The following NSUN6 variants were observed in gnomAD, a reference collection of about 807,000 sequenced individuals.
NSUN6 encodes the protein NOP2/Sun RNA methyltransferase 6.
A neutral mutation model predicts 58.0 loss-of-function variants in NSUN6; 64 were observed. The observed-to-expected ratio is 1.10, with a 90% CI of 0.90 to 1.36. NSUN6 has a LOEUF of 1.36. Among genes scored for constraint, NSUN6 ranks in the 40% most tolerant of loss-of-function variants. NSUN6 has a pLI of 0.00. For synonymous variants in NSUN6, 231 were observed against 193.9 expected (o/e 1.19, Z -1.59); for missense variants, 701 against 550.1 (o/e 1.27, Z -2.74).
intron 6 of NSUN6, among the ~76,000 whole-genome samples, chr10:18,597,667 G>C (rs2131220205): frequency 6.6e-6 from 1 of 152,334 alleles, no homozygotes; most frequent in Non-Finnish European, 1.5e-5. Flanking sequence ...TCAGGAGGCT[G>C]AGGCAGGAGA....
chr10:18,610,302 C>T (rs7909814), intron 5 of NSUN6, among the ~76,000 whole-genome samples: 29,477 of 151,882 alleles, frequency 0.19, 3,139 homozygotes, highest in South Asian at 0.31. Flanking sequence ...GAGCCAAGAT[C>T]GCGCCATTGC....
chr10:18,609,896 T>C lies in NSUN6; in HGVS notation c.606A>G (p.Val202=), dbSNP rs903047221. Residue 202 remains valine (V), a synonymous_variant, in exon 6 of 11, where the codon GTA becomes GTG. Coordinates refer to ENST00000377304, the MANE Select transcript of NSUN6 (RefSeq NM_182543.5). ...CACTGTCAAATGAAGGGCTGAGATA[T>C]ACTGGTTCTGTCATTCTTATGCCCA... ...KGMGIRMTEP[V]YLSPSFDSVL... is the part of the protein sequence containing the mutation. 3.7e-6 allele frequency: 6 copies of C among 1,604,512 alleles called. No individual in the cohort carries two copies. In the African/African-American group the frequency reaches 4.0e-5, roughly 11 times the overall value.
At chr10:18,629,986 T>C (rs1392983867) in intron 3 of NSUN6, among the ~76,000 whole-genome samples, 2 of 150,642 alleles carry the variant, frequency 1.3e-5, no homozygotes, top group South Asian at 2.1e-4. Context: ...TATTCCAAAA[T>C]TGACCACATA....
intron 8 of NSUN6, among the ~76,000 whole-genome samples, chr10:18,585,044 C>T (rs2057069731): frequency 6.7e-6 from 1 of 148,722 alleles, no homozygotes; most frequent in Non-Finnish European, 1.5e-5. Flanking sequence ...TACAAATAGC[C>T]AACAAGTTTA....
chr10:18,588,233 G>C (rs1425141253), intron 7 of NSUN6, among the ~76,000 whole-genome samples: 2 of 152,200 alleles, frequency 1.3e-5, no homozygotes, highest in East Asian at 1.9e-4. Context: ...TCACTGGGCA[G>C]GGCATCTCTG....
At chr10:18,613,001 G>T (rs1009953144) in intron 5 of NSUN6, among the ~76,000 whole-genome samples, 1 of 152,052 alleles carries the variant, frequency 6.6e-6, no homozygotes, top group Non-Finnish European at 1.5e-5. Context: ...TAAGAAACAG[G>T]GTGTACATGT....
chr10:18,555,029 T>C (rs2054882659), intron 8 of NSUN6, among the ~76,000 whole-genome samples: 1 of 144,526 alleles, frequency 6.9e-6, no homozygotes, highest in Non-Finnish European at 1.5e-5. Flanking sequence ...GAATGGAGAG[T>C]GGAATGGAGA....
chr10:18,562,953 G>T (rs1438831731), intron 8 of NSUN6, among the ~76,000 whole-genome samples: 1 of 151,218 alleles, frequency 6.6e-6, no homozygotes, highest in Admixed American at 6.6e-5. Flanking sequence ...AGAATGGAAT[G>T]GAATGTAGTG....
intron 8 of NSUN6, among the ~76,000 whole-genome samples, chr10:18,558,257 G>A (rs954593684): frequency 1.1e-4 from 16 of 149,658 alleles, no homozygotes; most frequent in African/African-American, 3.4e-4. Context: ...GTGCAATAGA[G>A]AATGGAAGGG....
chr10:18,556,054 G>T (rs896841850), intron 8 of NSUN6, among the ~76,000 whole-genome samples: 38 of 148,796 alleles, frequency 2.6e-4, no homozygotes, highest in African/African-American at 9.4e-4. Flanking sequence ...TGGAATGGAA[G>T]GGAAAATGGA....
upstream of NSUN6, chr10:18,659,266 GCGTGGGTTGC>G: frequency 8.1e-6 from 2 of 246,928 alleles, no homozygotes; most frequent in Non-Finnish European, 1.5e-5. Flanking sequence ...CACGTCGAAG[GCGTGGGTTGC>G]CGTAAGTGCG....
In NSUN6 at chr10:18,615,059, G is replaced by T. The variant is rs1430453963; in HGVS notation, c.422-446C>A. Among the ~76,000 whole-genome samples, 4 of 151,314 alleles carry T rather than the reference G, an allele frequency of 2.6e-5. No homozygotes were observed. In the South Asian group the frequency reaches 6.2e-4, roughly 24 times the overall value. ...CTGTTTGTATTTGCTATTTTGATAT[G>T]ACAGCACGATTAAGGCAGACTTTAA... is the stretch of plus-strand genomic sequence containing the variant. On this transcript the variant is annotated intron_variant, in intron 4 of 10. Transcript: ENST00000377304.
chr10:18,564,323 T>A (rs111064011), intron 8 of NSUN6, among the ~76,000 whole-genome samples: 52,522 of 151,142 alleles, frequency 0.35, 9,691 homozygotes, highest in East Asian at 0.74. Context: ...CTTTCCGCAT[T>A]CCTTTCCATT....
intron 7 of NSUN6, 75 bp from the exon 8 acceptor site, chr10:18,586,168 T>C: frequency 8.2e-7 from 1 of 1,220,208 alleles, no homozygotes; most frequent in East Asian, 2.6e-5. Flanking sequence ...ATAAAAATAA[T>C]GAGAAAAACA....
At position 18,601,446 on chromosome 10, in the gene NSUN6, C is replaced by T. The variant is rs187806849; in HGVS notation, c.658-5119G>A. Among the ~76,000 whole-genome samples, 210 of 152,162 alleles carry T rather than the reference C, an allele frequency of 1.4e-3. 1 individual carries two copies. Among genetic ancestry groups the T allele is most frequent in the Middle Eastern group, 6.8e-3 (2 of 294 alleles). The stretch of plus-strand genomic sequence containing the variant: ...AACTTGAACCCTTTGTTCCAAGGAA[C>T]CGAGTGTTTCAGTGTATGTTCAGCT... On this transcript the variant is annotated intron_variant, in intron 6 of 10. Coordinates refer to ENST00000377304, the MANE Select transcript of NSUN6 (RefSeq NM_182543.5).
At chr10:18,568,409 T>TTCCAC (rs1196466756) in intron 8 of NSUN6, among the ~76,000 whole-genome samples, 4 of 149,102 alleles carry the variant, frequency 2.7e-5, no homozygotes, top group Non-Finnish European at 6.0e-5. Flanking sequence ...CTCCATTCCA[T>TTCCAC]TCCATTCTCC....
At chr10:18,584,947 T>A in intron 8 of NSUN6, among the ~76,000 whole-genome samples, 2 of 142,888 alleles carry the variant, frequency 1.4e-5, no homozygotes, top group Non-Finnish European at 1.5e-5. Flanking sequence ...AAACTATCTC[T>A]CAAAAATAAA....
intron 8 of NSUN6, among the ~76,000 whole-genome samples, chr10:18,561,926 T>TGAATGGAATGGAGAATGGAAAAGAGTG (rs1223271010): frequency 1.4e-5 from 2 of 139,294 alleles, no homozygotes; most frequent in African/African-American, 5.5e-5. Flanking sequence ...GAGAATGGAA[T>TGAATGGAATGGAGAATGGAAAAGAGTG]GAATGGAATG....
At chr10:18,547,140 A>C (rs2054321742) in intron 10 of NSUN6, among the ~76,000 whole-genome samples, 1 of 152,222 alleles carries the variant, frequency 6.6e-6, no homozygotes, top group African/African-American at 2.4e-5. Context: ...CAATTAGTTT[A>C]GAGGAATCAT....
Sources: allele counts gnomAD v4.1 joint callset (sites outside exome capture counted in the v4.1 genomes callset), GRCh38; gene constraint gnomAD v4.1.1; transcripts MANE v1.5; gene names NCBI Gene and HGNC (gene_info 2026-07-23, HGNC 2026-07-21).